The following BRWD1 variants were observed in gnomAD, a reference collection of about 807,000 sequenced individuals.
The protein encoded by BRWD1 is bromodomain and WD repeat-containing protein 1.
Under a neutral mutation model 251.2 loss-of-function variants are expected in BRWD1, and 82 were observed. The ratio of observed to expected loss-of-function variants is 0.33; its 90% CI spans 0.27 to 0.39. BRWD1 has a LOEUF of 0.39. Ranked by LOEUF, BRWD1 falls within the 10% of genes least tolerant of loss-of-function variation. BRWD1 has a pLI of 1.00. For missense variants in BRWD1, 2,233 were observed against 2,711.6 expected (o/e 0.82, Z 3.92); for synonymous variants, 918 against 902.8 (o/e 1.02, Z -0.30).
chr21:39,274,589 A>C, intron 12 of BRWD1, 117 bp from the exon 13 acceptor site: 2 of 818,066 alleles, frequency 2.4e-6, no homozygotes, highest in Non-Finnish European at 3.9e-6. Context: ...AGGACAATCC[A>C]CAGGTGTTAA....
chr21:39,289,952 G>A (rs1267652168), intron 8 of BRWD1, among the ~76,000 whole-genome samples: 4 of 149,632 alleles, frequency 2.7e-5, no homozygotes, highest in African/African-American at 9.9e-5. Flanking sequence ...GTGAACCCGG[G>A]AGCCAGAGCT....
chr21:39,305,179 G>A (rs1316808224), intron 4 of BRWD1, among the ~76,000 whole-genome samples: 1 of 152,002 alleles, frequency 6.6e-6, no homozygotes, highest in Non-Finnish European at 1.5e-5. Flanking sequence ...GGCTGGTCTT[G>A]AACTCCTGAC....
rs2031248999 is a variant in BRWD1, at chr21:39,186,606, T to C, written c.*9653A>G. 1 of 153,234 alleles carries C rather than the reference T, an allele frequency of 6.5e-6. No individual in the cohort carries two copies. Among genetic ancestry groups the C allele is most frequent in the Admixed American group, 6.5e-5 (1 of 15,292 alleles). 9.5% of individuals were successfully genotyped at this position (153,234 alleles called of 1,614,324 possible). ...TTTCCTCATGACACCATAGTTGTCG[T>C]GGTCTGAATTTTTACACTGTAATGG... On this transcript the variant is annotated 3_prime_UTR_variant, in exon 41 of 41. Transcript: ENST00000342449.
chr21:39,257,962 A>G (rs2034615480), intron 18 of BRWD1, among the ~76,000 whole-genome samples: 1 of 152,208 alleles, frequency 6.6e-6, no homozygotes, highest in South Asian at 2.1e-4. Flanking sequence ...AAAAAGTACT[A>G]TTTTAAATGA....
chr21:39,270,753 GC>G (rs1330157334), intron 13 of BRWD1, among the ~76,000 whole-genome samples: 1 of 152,100 alleles, frequency 6.6e-6, no homozygotes, highest in African/African-American at 2.4e-5. Context: ...CAAACCTATT[GC>G]TAACACTTAC....
In BRWD1 at chr21:39,272,505, C is replaced by T. The variant is rs185599378; in HGVS notation, c.1244+1869G>A. ...TCGCACCACTGCACTCCAGCCTGGGCGACAGAGCAAGACTCTGTCTCCAAA... is the reference window on the plus strand; with the variant it reads ...TCGCACCACTGCACTCCAGCCTGGGTGACAGAGCAAGACTCTGTCTCCAAA... On this transcript the variant is annotated intron_variant, in intron 13 of 40. Transcript: ENST00000342449. Among the ~76,000 whole-genome samples, 1,216 of 149,620 alleles carry T rather than the reference C, an allele frequency of 8.1e-3. 17 individuals carry two copies. Among genetic ancestry groups the T allele is most frequent in the African/African-American group, 0.029 (1,163 of 40,668 alleles).
chr21:39,225,228 T>C, intron 27 of BRWD1, 31 bp from the exon 28 acceptor site: 1 of 1,439,660 alleles, frequency 6.9e-7, no homozygotes. Flanking sequence ...TCTGAGGCAT[T>C]TCTCTGCTAA....
At chr21:39,314,354 G>A (rs2036645791), upstream of BRWD1, 4 of 455,734 alleles carry the variant, frequency 8.8e-6, no homozygotes, top group Non-Finnish European at 1.8e-5. Flanking sequence ...TTCGCCGAGG[G>A]GGTGCGAGTC....
intron 29 of BRWD1, among the ~76,000 whole-genome samples, chr21:39,220,190 C>G (rs1481513861): frequency 6.6e-6 from 1 of 152,120 alleles, no homozygotes; most frequent in African/African-American, 2.4e-5. Context: ...CTGGGCTGGT[C>G]TCCTCAGGTA....
chr21:39,242,095 T>C (rs2034024822), intron 21 of BRWD1, among the ~76,000 whole-genome samples: 1 of 152,166 alleles, frequency 6.6e-6, no homozygotes, highest in Non-Finnish European at 1.5e-5. Context: ...TAACTCGCAA[T>C]GTAGAAATGA....
chr21:39,311,778 C>T (rs1287504452), intron 4 of BRWD1, among the ~76,000 whole-genome samples: 3 of 152,222 alleles, frequency 2.0e-5, no homozygotes, highest in Admixed American at 6.5e-5. Context: ...TTATTTATTA[C>T]TTGCACCAGG....
rs900436754 is a variant in BRWD1 at position 39,187,496 on chromosome 21, A to C, written c.*8763T>G. ...TTACTACTGCTAACATTCCTCAACA[A>C]CACTCATTCGGAAACAATAAATTTA... On this transcript the variant is annotated 3_prime_UTR_variant, in exon 41 of 41. Transcript: ENST00000342449. 1 of 1,470,586 alleles carries C rather than the reference A, an allele frequency of 6.8e-7. No homozygotes were observed. The highest frequency in any genetic ancestry group is 9.0e-7 in the Non-Finnish European group (1 of 1,113,910). The allele number at this position is 1,470,586 out of a possible 1,614,324, so 91.1% of individuals were successfully genotyped here.
chr21:39,273,587 T>G (rs372634788), intron 13 of BRWD1, among the ~76,000 whole-genome samples: 1 of 151,946 alleles, frequency 6.6e-6, no homozygotes. Context: ...ACATAAAAAT[T>G]AGCCAGGCAT....
rs1253288412 is a variant in BRWD1, at chr21:39,195,987, A to G, written c.*272T>C. ...ATAACCAGGATGTCTAGTGTTTAAC[A>G]TATTTCAAACTCTTGCTATATGTAG... is the stretch of plus-strand genomic sequence containing the variant. On this transcript the variant is annotated 3_prime_UTR_variant, in exon 41 of 41. Transcript: ENST00000342449. The G allele has an allele frequency of 6.3e-6, 7 of 1,118,920 alleles. No homozygotes were observed. Among genetic ancestry groups the G allele is most frequent in the Non-Finnish European group, 7.6e-6 (7 of 916,710 alleles). The allele number at this position is 1,118,920 out of a possible 1,614,324, so 69.3% of individuals were successfully genotyped here. A position where few individuals can be genotyped will look rare whatever the true frequency, so the allele number is the denominator to read the frequency against.
chr21:39,298,325 TTA>T (rs1188616224), intron 5 of BRWD1, 105 bp downstream of exon 5: 1 of 1,385,662 alleles, frequency 7.2e-7, no homozygotes, highest in African/African-American at 1.5e-5. Flanking sequence ...ACAGCATGAT[TTA>T]TAGTTACATT....
At chr21:39,278,486 T>C in intron 10 of BRWD1, 1 of 414,874 alleles carries the variant, frequency 2.4e-6, no homozygotes, top group Non-Finnish European at 4.3e-6. Flanking sequence ...GGCATAGGAA[T>C]CACTTGTGTG....
intron 11 of BRWD1, among the ~76,000 whole-genome samples, chr21:39,276,540 T>C (rs1053344125): frequency 6.6e-6 from 1 of 152,242 alleles, no homozygotes; most frequent in Non-Finnish European, 1.5e-5. Flanking sequence ...GCTCAAAATA[T>C]AGGCTTTAAA....
At chr21:39,293,606 TATCA>T (rs1438135976) in intron 8 of BRWD1, among the ~76,000 whole-genome samples, 2 of 152,136 alleles carry the variant, frequency 1.3e-5, no homozygotes, top group Non-Finnish European at 2.9e-5. Context: ...AACCCCAAAA[TATCA>T]ATAAGCCTTC....
intron 23 of BRWD1, among the ~76,000 whole-genome samples, chr21:39,234,617 C>T (rs2033744510): frequency 1.3e-5 from 2 of 152,236 alleles, no homozygotes; most frequent in South Asian, 2.1e-4. Context: ...TCACACCCCA[C>T]TCAACCAACC....
Sources: allele counts gnomAD v4.1 joint callset (sites outside exome capture counted in the v4.1 genomes callset), GRCh38; gene constraint gnomAD v4.1.1; transcripts MANE v1.5; gene names NCBI Gene and HGNC (gene_info 2026-07-23, HGNC 2026-07-21).